The following BPIFB3 variants were observed in gnomAD, a reference collection of about 807,000 sequenced individuals.
The protein encoded by BPIFB3 is BPI fold containing family B member 3.
A neutral mutation model predicts 53.1 loss-of-function variants in BPIFB3; 49 were observed. The observed-to-expected ratio is 0.92, with a 90% CI of 0.73 to 1.17. The LOEUF (loss-of-function observed/expected upper bound fraction) is 1.17, where lower values mean the gene tolerates loss of function less well. Ranked by LOEUF, BPIFB3 falls within the 50% of genes most tolerant of loss-of-function variation. The pLI is 0.00. For missense variants in BPIFB3, 628 were observed against 592.5 expected (o/e 1.06, Z -0.62); for synonymous variants, 271 against 269.6 (o/e 1.01, Z -0.05).
Position 33,072,084 on chromosome 20 carries a change from C to A in BPIFB3, c.1261-20C>A. The A allele has an allele frequency of 6.2e-7, 1 of 1,613,976 alleles. No homozygotes were observed. The highest frequency in any genetic ancestry group is 8.5e-7 in the Non-Finnish European group (1 of 1,179,856). On this transcript the variant is annotated intron_variant, in intron 12 of 14. Transcript: ENST00000375494. Reference sequence around the variant, plus strand: ...ACACCCCAGAGCACCACCCCCACCACCCTGTGTGTTCTGTTGCAGGGATCG... The same window carrying A: ...ACACCCCAGAGCACCACCCCCACCAACCTGTGTGTTCTGTTGCAGGGATCG...
chr20:33,070,105 G>A, intron 11 of BPIFB3, 150 bp downstream of exon 12: 2 of 838,608 alleles, frequency 2.4e-6, no homozygotes, highest in Non-Finnish European at 2.0e-6. Context: ...CGCCAGGGAG[G>A]AGACAGTGTT....
rs143621529 is a variant in BPIFB3, at chr20:33,056,654, G to A, written c.237G>A (p.Leu79=). Reference sequence around the variant, plus strand: ...GAGGGCTGCTTGGAGGAGGCGGCTTGCTGGGCCACGGAGGGGTTTTTGGCG... The same window carrying A: ...GAGGGCTGCTTGGAGGAGGCGGCTTACTGGGCCACGGAGGGGTTTTTGGCG... Residue 79 remains leucine, a synonymous_variant, in exon 2 of 15, where the codon TTG becomes TTA. Coordinates refer to ENST00000375494, the Ensembl canonical transcript of BPIFB3. 3 of 1,612,024 alleles carry A rather than the reference G, an allele frequency of 1.9e-6. No homozygotes were observed. In the Admixed American group the frequency reaches 5.0e-5, roughly 27 times the overall value.
At chr20:33,064,983 G>T (rs1286127476) in intron 8 of BPIFB3, 138 bp downstream of exon 9, 2 of 928,562 alleles carry the variant, frequency 2.2e-6, no homozygotes, top group Admixed American at 2.8e-5. Context: ...CAAGTTTAGA[G>T]TGTGTACACT....
At chr20:33,067,480 A>G (rs549526251) in intron 9 of BPIFB3, among the ~76,000 whole-genome samples, 1 of 152,194 alleles carries the variant, frequency 6.6e-6, no homozygotes, top group Non-Finnish European at 1.5e-5. Context: ...ACCAGAGAGG[A>G]TGGAAATGAA....
chr20:33,055,001 G>A (rs396008), upstream of BPIFB3, among the ~76,000 whole-genome samples: 5 of 152,298 alleles, frequency 3.3e-5, no homozygotes, highest in East Asian at 1.9e-4. Flanking sequence ...TGTCCTGGAG[G>A]GGGAAGCCCC....
At chr20:33,059,900 T>C (rs1046356893) in exon 4 of BPIFB3, 3 of 1,613,696 alleles carry the variant, frequency 1.9e-6, no homozygotes, top group Admixed American at 3.3e-5. Flanking sequence ...GCCCCCTTGG[T>C]GGCCTTCTGC....
Position 33,055,556 on chromosome 20 carries a change from C to T in BPIFB3, c.124+9C>T. ...GGATGAACTCGGCAAAGGTGAGCCC[C>T]AGGTGGGCAGTCTGTGAGGGGGCTG... On this transcript the variant is annotated intron_variant, in intron 1 of 14. Coordinates refer to ENST00000375494, the Ensembl canonical transcript of BPIFB3. The T allele has an allele frequency of 6.2e-7, 1 of 1,613,450 alleles. No individual in the cohort carries two copies. Among genetic ancestry groups the T allele is most frequent in the East Asian group, 2.2e-5 (1 of 44,872 alleles).
At position 33,067,452 on chromosome 20, in the gene BPIFB3, C is replaced by A. The variant is rs1051337461; in HGVS notation, c.978+575C>A. Among the ~76,000 whole-genome samples the A allele has an allele frequency of 2.0e-5, 3 of 152,188 alleles. No individual in the cohort carries two copies. The East Asian group carries it at 5.8e-4, about 29-fold the overall frequency. ...GTTCTGAAAGAGGTTGGAAAGAGGC[C>A]TAGGGGCCTGGGCTCTCACCAGAGA... is the stretch of plus-strand genomic sequence containing the variant. On this transcript the variant is annotated intron_variant, in intron 9 of 14. Transcript: ENST00000375494.
chr20:33,062,395 G>A (rs1042816803), intron 5 of BPIFB3, among the ~76,000 whole-genome samples: 2 of 152,140 alleles, frequency 1.3e-5, no homozygotes, highest in African/African-American at 2.4e-5. Context: ...CTGACCCCAC[G>A]GCCTAGCTGG....
chr20:33,061,813 C>G (rs1980471197), exon 5 of BPIFB3: 1 of 1,614,206 alleles, frequency 6.2e-7, no homozygotes, highest in African/African-American at 1.3e-5. Flanking sequence ...AGATGCTCTT[C>G]AAGGTGCTTC....
At chr20:33,061,620 T>G in intron 4 of BPIFB3, 148 bp from the exon 6 acceptor site, 1 of 709,710 alleles carries the variant, frequency 1.4e-6, no homozygotes, top group South Asian at 2.0e-5. Flanking sequence ...GAGCCAGGAT[T>G]TAACTCAGGT....
At chr20:33,068,177 G>C (rs1258901591) in intron 9 of BPIFB3, among the ~76,000 whole-genome samples, 3 of 152,204 alleles carry the variant, frequency 2.0e-5, no homozygotes, top group African/African-American at 7.2e-5. Flanking sequence ...GCACTCAAGG[G>C]GTTGCCATTC....
At chr20:33,066,049 G>T (rs1042067091) in intron 8 of BPIFB3, among the ~76,000 whole-genome samples, 1 of 152,240 alleles carries the variant, frequency 6.6e-6, no homozygotes, top group African/African-American at 2.4e-5. Context: ...CGTGGCAAGA[G>T]AGAGGAATGT....
exon 10 of BPIFB3, chr20:33,068,826 C>G (rs6057717): frequency 0.39 from 625,939 of 1,613,264 alleles, 127,530 homozygotes; most frequent in East Asian, 0.8. Context: ...TGCCCCTGCA[C>G]CAGCAACTCC....
chr20:33,055,407 T>C, upstream of BPIFB3: 3 of 1,612,832 alleles, frequency 1.9e-6, no homozygotes, highest in Non-Finnish European at 2.5e-6. Flanking sequence ...GAGTTCCTCC[T>C]TCTGCTCCTT....
intron 11 of BPIFB3, 119 bp from the exon 13 acceptor site, chr20:33,071,134 A>G: frequency 9.7e-7 from 1 of 1,026,292 alleles, no homozygotes; most frequent in Non-Finnish European, 1.4e-6. Context: ...GGATAGAGGC[A>G]GAGTGTTGGG....
At chr20:33,069,362 C>T (rs931980833) in intron 10 of BPIFB3, among the ~76,000 whole-genome samples, 8 of 152,144 alleles carry the variant, frequency 5.3e-5, no homozygotes, top group African/African-American at 1.9e-4. Context: ...CGAGGCAGGC[C>T]CCTCCCCCTA....
intron 2 of BPIFB3, among the ~76,000 whole-genome samples, chr20:33,058,257 C>T (rs1980301800): frequency 6.6e-6 from 1 of 152,202 alleles, no homozygotes; most frequent in Non-Finnish European, 1.5e-5. Context: ...GATGGGTGTT[C>T]ACTTCCCTAA....
At chr20:33,072,167 G>A (rs752107960) in exon 13 of BPIFB3, 7 of 1,614,056 alleles carry the variant, frequency 4.3e-6, no homozygotes, top group East Asian at 2.2e-5. Context: ...AAAGCTTAAC[G>A]GTATGGCAGG....
Sources: gnomAD v4.1 joint callset for allele counts (sites outside exome capture counted in the v4.1 genomes callset) on GRCh38, gnomAD v4.1.1 for gene constraint, MANE v1.5 for transcripts, NCBI Gene and HGNC (gene_info 2026-07-23, HGNC 2026-07-21) for gene names.